The following AMBN variants were observed in gnomAD, a reference collection of about 807,000 sequenced individuals.
AMBN encodes enamel matrix protein.
Under a neutral mutation model 48.0 loss-of-function variants are expected in AMBN, and 54 were observed. The observed-to-expected ratio is 1.12, with a 90% confidence interval of 0.90 to 1.41. AMBN has a LOEUF of 1.41. Ranked by LOEUF, AMBN falls within the 40% of genes most tolerant of loss-of-function variation. The pLI is 0.00. For missense variants in AMBN, 571 were observed against 547.3 expected, an observed-to-expected ratio of 1.04 and a Z score of -0.43; for synonymous variants, 186 against 190.0, an observed-to-expected ratio of 0.98 and a Z score of 0.17.
chr4:70,606,647 A>G lies in AMBN; in HGVS notation c.1261A>G (p.Asn421Asp), dbSNP rs370678334. ...AACCATGGATACCACGATGGCCCCA[A>G]ACTCTCTGCAAACATCCATGCCAGG... ...EATMDTTMAP[N>D]SLQTSMPGNK... Residue 421 changes from asparagine (N) to aspartate (D), a missense_variant, in exon 13 of 13, where the codon AAC becomes GAC. Physicochemically the swap from Asn to Asp is conservative, Grantham distance 23. Coordinates refer to ENST00000322937, the MANE Select transcript of AMBN (RefSeq NM_016519.6). The G allele has an allele frequency of 6.2e-7, 1 of 1,614,034 alleles. No individual in the cohort carries two copies. The highest frequency in any genetic ancestry group is 8.5e-7 in the Non-Finnish European group (1 of 1,179,978).
intron 2 of AMBN, among the ~76,000 whole-genome samples, chr4:70,595,688 C>T (rs1303978565): frequency 2.0e-5 from 3 of 152,004 alleles, no homozygotes; most frequent in Non-Finnish European, 4.4e-5. Flanking sequence ...GAAGGAAAGA[C>T]GGCATTACAA....
Position 70,599,530 on chromosome 4 carries a change from C to A in AMBN, c.184-6C>A. 6.3e-7 allele frequency: 1 copy of A among 1,579,628 alleles called. No individual in the cohort carries two copies. Among genetic ancestry groups the A allele is most frequent in the Non-Finnish European group, 8.7e-7 (1 of 1,153,946 alleles). On this transcript the variant is annotated splice_region_variant and splice_polypyrimidine_tract_variant and intron_variant, in intron 4 of 12. Coordinates refer to ENST00000322937, the MANE Select transcript of AMBN (RefSeq NM_016519.6). ...TAAGCATGTCTTTTTTTATCCATGTCTTTAGTATTCTAGATACGGCTTTGG... is the reference window on the plus strand; with the variant it reads ...TAAGCATGTCTTTTTTTATCCATGTATTTAGTATTCTAGATACGGCTTTGG...
chr4:70,601,752 C>A (rs1737526648), intron 6 of AMBN, 98 bp downstream of exon 6: 2 of 1,058,592 alleles, frequency 1.9e-6, no homozygotes, highest in South Asian at 1.4e-5. Flanking sequence ...AGCCTTCAGG[C>A]ATAATACGTG....
intron 3 of AMBN, 35 bp from the exon 4 acceptor site, chr4:70,598,321 G>T: frequency 6.6e-7 from 1 of 1,520,842 alleles, no homozygotes; most frequent in Non-Finnish European, 8.9e-7. Context: ...CACAGCATAT[G>T]CGATAAACAG....
chr4:70,600,197 C>T (rs956484086), intron 5 of AMBN, among the ~76,000 whole-genome samples: 1 of 152,016 alleles, frequency 6.6e-6, no homozygotes, highest in Non-Finnish European at 1.5e-5. Flanking sequence ...ATCTCAGCTA[C>T]TCTCAGGAGG....
Position 70,592,296 on chromosome 4 carries a change from A to G in AMBN, c.-63A>G. 1 of 1,598,626 alleles carries G rather than the reference A, an allele frequency of 6.3e-7. No individual in the cohort carries two copies. Among genetic ancestry groups the G allele is most frequent in the Non-Finnish European group, 8.6e-7 (1 of 1,166,880 alleles). Reference sequence around the variant, plus strand: ...AGTCCCACGCACAGTCCTGAAAAAAATTTTAATCTTCTTTTCTTAGAACTA... The same window carrying G: ...AGTCCCACGCACAGTCCTGAAAAAAGTTTTAATCTTCTTTTCTTAGAACTA... On this transcript the variant is annotated 5_prime_UTR_variant, in exon 1 of 13. Transcript: ENST00000322937.
intron 2 of AMBN, among the ~76,000 whole-genome samples, chr4:70,594,565 T>TTAGAGAAAGAGAATGGAAA (rs1213184785): frequency 6.6e-6 from 1 of 152,154 alleles, no homozygotes; most frequent in East Asian, 1.9e-4. Context: ...TTAAAGTGTT[T>TTAGAGAAAGAGAATGGAAA]TAGAGAAAGA....
Position 70,599,768 on chromosome 4 carries a change from G to T in AMBN, c.294+122G>T, listed in dbSNP as rs149467865. Reference sequence around the variant, plus strand: ...CTAGCATTAACAAAAAATTATTCTCGTGCCAAATAAATCGAAGCCTATAAC... The same window carrying T: ...CTAGCATTAACAAAAAATTATTCTCTTGCCAAATAAATCGAAGCCTATAAC... On this transcript the variant is annotated intron_variant, in intron 5 of 12. Coordinates refer to ENST00000322937, the MANE Select transcript of AMBN (RefSeq NM_016519.6). The T allele has an allele frequency of 1.6e-4, 100 of 608,634 alleles. No homozygotes were observed. In the African/African-American group the frequency reaches 1.7e-3, roughly 10 times the overall value. The allele number at this position is 608,634 out of a possible 1,614,324, so 37.7% of individuals were successfully genotyped here. A position where few individuals can be genotyped will look rare whatever the true frequency, so the allele number is the denominator to read the frequency against.
At chr4:70,594,814 G>A (rs913742593) in intron 2 of AMBN, among the ~76,000 whole-genome samples, 1 of 152,068 alleles carries the variant, frequency 6.6e-6, no homozygotes, top group African/African-American at 2.4e-5. Flanking sequence ...GAATCAATTG[G>A]GTCCACTCTG....
intron 4 of AMBN, 129 bp downstream of exon 4, chr4:70,598,532 G>A: frequency 1.6e-6 from 1 of 621,318 alleles, no homozygotes; most frequent in East Asian, 3.4e-5. Flanking sequence ...AGAAGTAAAT[G>A]AGAGCCTAAA....
chr4:70,595,110 A>G (rs1393874343), intron 2 of AMBN, among the ~76,000 whole-genome samples: 4 of 151,900 alleles, frequency 2.6e-5, no homozygotes, highest in African/African-American at 9.7e-5. Context: ...TACATGCACA[A>G]TCACTCTTCC....
rs1437501035 is a variant in AMBN at position 70,606,285 on chromosome 4, G to A, written c.899G>A (p.Gly300Asp). 4 of 1,614,114 alleles carry A rather than the reference G, an allele frequency of 2.5e-6. No individual in the cohort carries two copies. Among genetic ancestry groups the A allele is most frequent in the South Asian group, 2.2e-5 (2 of 91,074 alleles). ...EGMPHNPAMG[G>D]DFTLEFDSPV... ...ATGCCCCACAACCCAGCTATGGGCG[G>A]TGACTTCACTCTGGAATTTGACTCC... is the stretch of plus-strand genomic sequence containing the variant. Residue 300 changes from glycine to aspartate, a missense_variant, in exon 13 of 13, where the codon GGT (glycine) becomes GAT (aspartate). Gly to Asp is a moderately conservative substitution (Grantham distance 94, BLOSUM62 -1). Coordinates refer to ENST00000322937, the MANE Select transcript of AMBN (RefSeq NM_016519.6).
chr4:70,594,895 C>T (rs1693845488), intron 2 of AMBN, among the ~76,000 whole-genome samples: 1 of 152,202 alleles, frequency 6.6e-6, no homozygotes, highest in South Asian at 2.1e-4. Flanking sequence ...CCTATTAATT[C>T]TGCATGGGAA....
chr4:70,605,618 T>C (rs1159816147), intron 12 of AMBN, among the ~76,000 whole-genome samples: 1 of 152,142 alleles, frequency 6.6e-6, no homozygotes, highest in Non-Finnish European at 1.5e-5. Context: ...TTAAACTTTG[T>C]GCTTTAAAAA....
chr4:70,605,849 A>G (rs1354975105), intron 12 of AMBN, among the ~76,000 whole-genome samples: 2 of 152,210 alleles, frequency 1.3e-5, no homozygotes, highest in Non-Finnish European at 2.9e-5. Context: ...TATGAATTTC[A>G]GTTCTTATTT....
rs1322042399 is a variant in AMBN at position 70,593,358 on chromosome 4, T to G, written c.47T>G (p.Leu16Arg). ...CTTTTCAAAATGAAGGACCTGATACTGATCCTATGCCTCCTGGAAATGAGT... is the reference window on the plus strand; with the variant it reads ...CTTTTCAAAATGAAGGACCTGATACGGATCCTATGCCTCCTGGAAATGAGT... ...IPLFKMKDLI[L>R]ILCLLEMSFA... Residue 16 changes from leucine (L) to arginine (R), a missense_variant, in exon 2 of 13, where the codon CTG becomes CGG. Physicochemically the swap from Leu to Arg is moderately radical, Grantham distance 102. Transcript: ENST00000322937. The G allele has an allele frequency of 6.2e-7, 1 of 1,612,682 alleles. No homozygotes were observed. Among genetic ancestry groups the G allele is most frequent in the Non-Finnish European group, 8.5e-7 (1 of 1,178,888 alleles).
chr4:70,604,222 A>G lies in AMBN; in HGVS notation c.798+301A>G, dbSNP rs144031017. Among the ~76,000 whole-genome samples the G allele has an allele frequency of 1.9e-3, 283 of 152,262 alleles. 3 individuals are homozygous for G. The highest frequency in any genetic ancestry group is 6.0e-3 in the African/African-American group (251 of 41,560). On this transcript the variant is annotated intron_variant, in intron 12 of 12. Transcript: ENST00000322937. Reference sequence around the variant, plus strand: ...CGTCATTGAACTATAAACACTTCAAACCAAAAGGATACACGTGGTTCATAC... The same window carrying G: ...CGTCATTGAACTATAAACACTTCAAGCCAAAAGGATACACGTGGTTCATAC...
intron 12 of AMBN, among the ~76,000 whole-genome samples, chr4:70,605,253 A>G (rs573178243): frequency 1.3e-5 from 2 of 152,304 alleles, no homozygotes; most frequent in South Asian, 4.1e-4. Context: ...TCTATATAGC[A>G]CCAATACAAG....
At chr4:70,604,328 AT>A (rs1737592270) in intron 12 of AMBN, among the ~76,000 whole-genome samples, 1 of 152,224 alleles carries the variant, frequency 6.6e-6, no homozygotes, top group Non-Finnish European at 1.5e-5. Context: ...AGATCTCAAA[AT>A]TGAAAGATCA....
Sources: gnomAD v4.1 joint callset for allele counts (sites outside exome capture counted in the v4.1 genomes callset) on GRCh38, gnomAD v4.1.1 for gene constraint, MANE v1.5 for transcripts, NCBI Gene and HGNC (gene_info 2026-07-23, HGNC 2026-07-21) for gene names.